The following ZFYVE28 variants were observed in gnomAD, a reference collection of about 807,000 sequenced individuals.
ZFYVE28 encodes the protein zinc finger FYVE-type containing 28.
A neutral mutation model predicts 82.1 loss-of-function variants in ZFYVE28; 40 were observed. The observed-to-expected ratio is 0.49, with a 90% CI of 0.38 to 0.63. The LOEUF is 0.63. Among genes scored for constraint, ZFYVE28 ranks in the 30% least tolerant of loss-of-function variants. The pLI is 0.00. For synonymous variants in ZFYVE28, 612 were observed against 546.1 expected (o/e 1.12, Z -1.68); for missense variants, 1,321 against 1,242.1 (o/e 1.06, Z -0.96).
intron 8 of ZFYVE28, among the ~76,000 whole-genome samples, chr4:2,288,957 C>A (rs553132112): frequency 1.1e-3 from 172 of 152,112 alleles, no homozygotes; most frequent in African/African-American, 4.0e-3. Flanking sequence ...CAGAGTGAGA[C>A]CCTGCCTCAA....
intron 1 of ZFYVE28, among the ~76,000 whole-genome samples, chr4:2,377,080 G>GAC (rs1728227736): frequency 6.6e-6 from 1 of 151,288 alleles, no homozygotes; most frequent in Admixed American, 6.6e-5. Context: ...GGAGTGCAGT[G>GAC]GCGCGATCTT....
At chr4:2,359,991 C>T (rs1038713004) in intron 1 of ZFYVE28, among the ~76,000 whole-genome samples, 17 of 152,342 alleles carry the variant, frequency 1.1e-4, no homozygotes, top group Admixed American at 5.2e-4. Context: ...ACCTGAGCCT[C>T]GGAGCCTTTA....
intron 8 of ZFYVE28, among the ~76,000 whole-genome samples, chr4:2,298,773 C>A (rs1040149002): frequency 1.3e-5 from 2 of 152,214 alleles, no homozygotes; most frequent in Non-Finnish European, 2.9e-5. Flanking sequence ...CCTCCCTAAG[C>A]CAGCGCCCGG....
chr4:2,351,027 A>AC (rs1227935639), intron 2 of ZFYVE28, among the ~76,000 whole-genome samples: 6 of 152,074 alleles, frequency 3.9e-5, no homozygotes, highest in Admixed American at 2.6e-4. Context: ...AATTTATCCA[A>AC]CCCAGAAGGG....
intron 1 of ZFYVE28, among the ~76,000 whole-genome samples, chr4:2,365,632 G>A (rs1236298511): frequency 6.6e-6 from 1 of 152,220 alleles, no homozygotes; most frequent in Non-Finnish European, 1.5e-5. Context: ...GGCCTGGGTG[G>A]AACAGCTCGC....
At chr4:2,374,255 C>T (rs910906351) in intron 1 of ZFYVE28, among the ~76,000 whole-genome samples, 1 of 152,144 alleles carries the variant, frequency 6.6e-6, no homozygotes, top group Non-Finnish European at 1.5e-5. Context: ...AAAATAATAA[C>T]GTGTTTTCAA....
intron 7 of ZFYVE28, among the ~76,000 whole-genome samples, chr4:2,308,683 G>GA (rs1553830772): frequency 0.046 from 3,695 of 81,092 alleles, 82 homozygotes; most frequent in Middle Eastern, 0.078. Context: ...GAAAGAGAAA[G>GA]AAAGAAAAGA....
At chr4:2,308,681 A>AAGAAAGAAAGAAAGAGAGAGAG (rs1560182467) in intron 7 of ZFYVE28, among the ~76,000 whole-genome samples, 3 of 59,962 alleles carry the variant, frequency 5.0e-5, no homozygotes, top group African/African-American at 2.2e-4. Context: ...AAGAAAGAGA[A>AAGAAAGAAAGAAAGAGAGAGAG]AGAAAGAAAA....
intron 1 of ZFYVE28, among the ~76,000 whole-genome samples, chr4:2,407,269 C>T (rs751237078): frequency 1.3e-5 from 2 of 152,140 alleles, no homozygotes; most frequent in African/African-American, 4.8e-5. Flanking sequence ...CTCTCCTCCA[C>T]GAACGACAGC....
intron 1 of ZFYVE28, among the ~76,000 whole-genome samples, chr4:2,366,605 G>A (rs970794036): frequency 6.6e-6 from 1 of 152,246 alleles, no homozygotes; most frequent in African/African-American, 2.4e-5. Context: ...AGTGTTCAGT[G>A]GCCCCAGAGA....
At chr4:2,347,039 C>T (rs757279467) in intron 2 of ZFYVE28, among the ~76,000 whole-genome samples, 129 of 152,206 alleles carry the variant, frequency 8.5e-4, no homozygotes, top group Middle Eastern at 3.4e-3. Context: ...ACAAGATACC[C>T]ACTTTACACA....
intron 7 of ZFYVE28, among the ~76,000 whole-genome samples, chr4:2,315,291 T>C (rs1718041185): frequency 6.6e-6 from 1 of 152,176 alleles, no homozygotes; most frequent in African/African-American, 2.4e-5. Context: ...TTTTTTTGTT[T>C]TGTTTTCTTT....
chr4:2,290,401 G>A (rs1168817849), intron 8 of ZFYVE28, among the ~76,000 whole-genome samples: 1 of 152,194 alleles, frequency 6.6e-6, no homozygotes, highest in Non-Finnish European at 1.5e-5. Context: ...CAGGTTGCAG[G>A]CCCCAAGGGC....
At position 2,368,123 on chromosome 4, in the gene ZFYVE28, A is replaced by G. The variant is rs187216457; in HGVS notation, c.40-14050T>C. On this transcript the variant is annotated intron_variant, in intron 1 of 12. Coordinates refer to ENST00000290974, the MANE Select transcript of ZFYVE28 (RefSeq NM_020972.3). ...CAATTCAAAGGCCAGGCACGATGGC[A>G]CTTTGGTGCTTTGGGAGGCTGAGGT... 4.2e-3 allele frequency among the ~76,000 whole-genome samples: 610 copies of G among 145,684 alleles called. 2 individuals are homozygous for G. Among genetic ancestry groups the G allele is most frequent in the Non-Finnish European group, 6.7e-3 (447 of 66,842 alleles).
intron 5 of ZFYVE28, 53 bp downstream of exon 5, chr4:2,337,354 A>G (rs1374168298): frequency 6.0e-6 from 9 of 1,499,392 alleles, no homozygotes; most frequent in Non-Finnish European, 8.1e-6. Context: ...GCCTGGAGTG[A>G]GGCAGGGACT....
chr4:2,298,029 G>A (rs1054355266), intron 8 of ZFYVE28, among the ~76,000 whole-genome samples: 26 of 148,004 alleles, frequency 1.8e-4, no homozygotes, highest in Non-Finnish European at 3.6e-4. Context: ...AGTGACAGTG[G>A]GGTGACATGG....
At chr4:2,280,663 C>T (rs570437632) in intron 8 of ZFYVE28, among the ~76,000 whole-genome samples, 4 of 152,268 alleles carry the variant, frequency 2.6e-5, no homozygotes, top group Admixed American at 1.3e-4. Context: ...AGTCTCATCG[C>T]GGATCAAGTA....
intron 1 of ZFYVE28, among the ~76,000 whole-genome samples, chr4:2,413,761 G>A (rs1578436598): frequency 6.6e-6 from 1 of 152,230 alleles, no homozygotes; most frequent in Non-Finnish European, 1.5e-5. Flanking sequence ...CATGGGGCAT[G>A]GACGCAGTGC....
chr4:2,277,821 C>CA (rs1736611593), intron 8 of ZFYVE28, among the ~76,000 whole-genome samples: 1 of 151,812 alleles, frequency 6.6e-6, no homozygotes, highest in Admixed American at 6.6e-5. Flanking sequence ...TTTTTTCTTG[C>CA]AAAAATGGAC....
Sources: allele counts gnomAD v4.1 joint callset (sites outside exome capture counted in the v4.1 genomes callset), GRCh38; gene constraint gnomAD v4.1.1; transcripts MANE v1.5; gene names NCBI Gene and HGNC (gene_info 2026-07-23, HGNC 2026-07-21).